DHX8: variants seen among roughly 807,000 people sequenced by gnomAD.
The protein encoded by DHX8 is ATP-dependent RNA helicase DHX8.
In DHX8, 67 loss-of-function variants were observed where a neutral mutation model predicts 140.7. The ratio of observed to expected loss-of-function variants is 0.48; its 90% CI spans 0.39 to 0.58. The LOEUF (loss-of-function observed/expected upper bound fraction) is 0.58. DHX8 is among the 20% of genes least tolerant of loss of function. DHX8 has a pLI of 0.00. For missense variants in DHX8, 887 were observed against 1,550.7 expected, an observed-to-expected ratio of 0.57 and a Z score of 7.19; for synonymous variants, 533 against 553.2, an observed-to-expected ratio of 0.96 and a Z score of 0.51.
chr17:43,500,184 A>G (rs1969102082), intron 11 of DHX8, 81 bp downstream of exon 11: 2 of 1,488,380 alleles, frequency 1.3e-6, no homozygotes, highest in Non-Finnish European at 1.8e-6. Flanking sequence ...CTCCCGGCAC[A>G]CACTAAAAAT....
Position 43,520,131 on chromosome 17 carries a change from C to T in DHX8, c.2801C>T (p.Ala934Val). Residue 934 changes from alanine to valine, a missense_variant and splice_region_variant, in exon 19 of 23, where the codon GCC becomes GTC. Physicochemically the swap from Ala to Val is moderately conservative, Grantham distance 64. Transcript: ENST00000262415. ...ATGCCTTCTTCCTTTCTGTTCTAGG[C>T]CATGGGTATCAATGATCTGCTGTCC... ...NLASTVLSLK[A>V]MGINDLLSFD... is the part of the protein sequence containing the mutation. 1 of 1,614,164 alleles carries T rather than the reference C, an allele frequency of 6.2e-7. No individual in the cohort carries two copies. Among genetic ancestry groups the T allele is most frequent in the Non-Finnish European group, 8.5e-7 (1 of 1,180,022 alleles).
At chr17:43,504,450 C>T (rs1969379558) in intron 11 of DHX8, among the ~76,000 whole-genome samples, 194 bp from the exon 12 acceptor site, 1 of 152,228 alleles carries the variant, frequency 6.6e-6, no homozygotes, top group Non-Finnish European at 1.5e-5. Flanking sequence ...CCACTTGTTA[C>T]AGTCTCTTTC....
At chr17:43,510,185 A>ATTACAGG (rs1969739545) in intron 16 of DHX8, among the ~76,000 whole-genome samples, 1 of 151,984 alleles carries the variant, frequency 6.6e-6, no homozygotes, top group Non-Finnish European at 1.5e-5. Context: ...AGTAGCTGTG[A>ATTACAGG]TTACAGGCAT....
At chr17:43,536,288 T>G in intron 2 of DHX8, 2 of 762,372 alleles carry the variant, frequency 2.6e-6, no homozygotes, top group Non-Finnish European at 4.5e-6. Flanking sequence ...TTCATTCCAG[T>G]TATTGCCTTG....
chr17:43,509,333 A>C (rs1320485306), intron 16 of DHX8, among the ~76,000 whole-genome samples: 1 of 152,194 alleles, frequency 6.6e-6, no homozygotes, highest in African/African-American at 2.4e-5. Context: ...AGTTCAGGGA[A>C]TGGCATAGTT....
chr17:43,508,267 T>C (rs756462531), intron 15 of DHX8, 72 bp from the exon 16 acceptor site: 38 of 1,529,308 alleles, frequency 2.5e-5, no homozygotes, highest in Non-Finnish European at 3.1e-5. Context: ...GTTTTATTAA[T>C]ATCACCATAG....
intron 16 of DHX8, 75 bp downstream of exon 16, chr17:43,508,595 G>A: frequency 1.0e-6 from 1 of 1,003,018 alleles, no homozygotes; most frequent in Non-Finnish European, 1.5e-6. Context: ...CCATAGTAGG[G>A]ATTGCTTAGG....
chr17:43,506,017 A>G (rs1567687138), intron 12 of DHX8, among the ~76,000 whole-genome samples: 2 of 150,904 alleles, frequency 1.3e-5, no homozygotes, highest in South Asian at 2.1e-4. Flanking sequence ...GTGTGTGTGT[A>G]TGTGTGTGTG....
chr17:43,499,727 TGG>T (rs1969076523), intron 10 of DHX8, among the ~76,000 whole-genome samples: 1 of 152,220 alleles, frequency 6.6e-6, no homozygotes, highest in Non-Finnish European at 1.5e-5. Context: ...CTATCTCTTT[TGG>T]GGTTCTCATA....
chr17:43,528,289 G>A (rs1157900489), downstream of DHX8: 2 of 457,906 alleles, frequency 4.4e-6, no homozygotes, highest in Admixed American at 7.3e-5. Context: ...CAGGGCCCAG[G>A]TGAAACCCCC....
rs934689728 is a variant in DHX8, at chr17:43,520,622, G to A, written c.2938-129G>A. On this transcript the variant is annotated intron_variant, in intron 19 of 22. Coordinates refer to ENST00000262415, the MANE Select transcript of DHX8 (RefSeq NM_004941.3). ...CAACAGCATTCTTCTGATAGAGAAA[G>A]GCATCCCAAGGCATCATTATGCTTT... 4 of 1,033,574 alleles carry A rather than the reference G, an allele frequency of 3.9e-6. No individual in the cohort carries two copies. In the African/African-American group the frequency reaches 6.5e-5, roughly 17 times the overall value. The allele number at this position is 1,033,574 out of a possible 1,614,324, so 64.0% of individuals were successfully genotyped here. A position where few individuals can be genotyped will look rare whatever the true frequency, so the allele number is the denominator to read the frequency against.
At chr17:43,508,554 C>T (rs1460685167) in intron 16 of DHX8, 34 bp downstream of exon 16, 2 of 1,488,356 alleles carry the variant, frequency 1.3e-6, no homozygotes, top group Admixed American at 3.5e-5. Context: ...TCCATGTGCC[C>T]TGAAACCATG....
chr17:43,528,494 C>A, downstream of DHX8: 1 of 1,517,936 alleles, frequency 6.6e-7, no homozygotes, highest in South Asian at 1.2e-5. Flanking sequence ...CACCCACCTG[C>A]GGCAGGGGGA....
At chr17:43,500,137 TA>T in intron 11 of DHX8, 34 bp downstream of exon 11, 1 of 1,601,698 alleles carries the variant, frequency 6.2e-7, no homozygotes, top group Non-Finnish European at 8.5e-7. Flanking sequence ...GGACCTTGTT[TA>T]AAAATCTGAG....
At chr17:43,519,278 T>TA (rs1491049478) in intron 18 of DHX8, 2 of 152,212 alleles carry the variant, frequency 1.3e-5, no homozygotes, top group Non-Finnish European at 2.9e-5. Context: ...TTCTGTTTTT[T>TA]AAAAAAATTA....
chr17:43,490,820 G>A (rs1968473397), intron 3 of DHX8, among the ~76,000 whole-genome samples: 2 of 152,100 alleles, frequency 1.3e-5, no homozygotes, highest in South Asian at 4.1e-4. Context: ...GCTGCAGTGA[G>A]CCATAGTTGC....
At chr17:43,543,094 C>A (rs1971604807) in intron 3 of DHX8, among the ~76,000 whole-genome samples, 1 of 151,952 alleles carries the variant, frequency 6.6e-6, no homozygotes. Flanking sequence ...TCAGCATCCC[C>A]CCCTCAGACC....
downstream of DHX8, among the ~76,000 whole-genome samples, chr17:43,530,897 G>A (rs944429599): frequency 1.3e-5 from 2 of 152,140 alleles, no homozygotes; most frequent in African/African-American, 4.8e-5. Context: ...AGGCGGGAGG[G>A]TGGGCTCATT....
intron 1 of DHX8, among the ~76,000 whole-genome samples, chr17:43,487,031 G>T (rs1968199406): frequency 2.0e-5 from 3 of 152,128 alleles, no homozygotes; most frequent in Admixed American, 1.3e-4. Flanking sequence ...AAGTTAGATT[G>T]CCTGGGTTTT....
Sources: allele counts gnomAD v4.1 joint callset (sites outside exome capture counted in the v4.1 genomes callset), GRCh38; gene constraint gnomAD v4.1.1; transcripts MANE v1.5; gene names NCBI Gene and HGNC (gene_info 2026-07-23, HGNC 2026-07-21).